The following SMOC2 variants were observed in gnomAD, a reference collection of about 807,000 sequenced individuals.
The protein encoded by SMOC2 is SPARC related modular calcium binding 2.
SMOC2 carries 39 observed loss-of-function variants against 61.4 expected under a neutral mutation model. The observed-to-expected ratio is 0.64, with a 90% confidence interval of 0.49 to 0.83. SMOC2 has a LOEUF of 0.83. Ranked by LOEUF, SMOC2 falls within the 40% of genes least tolerant of loss-of-function variation. SMOC2 has a pLI of 0.00. For synonymous variants in SMOC2, 247 were observed against 239.9 expected, an observed-to-expected ratio of 1.03 and a Z score of -0.27; for missense variants, 556 against 592.9, an observed-to-expected ratio of 0.94 and a Z score of 0.65.
chr6:168,600,449 T>G (rs1228498877), intron 8 of SMOC2, among the ~76,000 whole-genome samples: 14 of 142,334 alleles, frequency 9.8e-5, no homozygotes, highest in South Asian at 2.2e-4. Context: ...AAAAAAACAG[T>G]AGTTTCAACT....
intron 1 of SMOC2, among the ~76,000 whole-genome samples, chr6:168,479,553 G>T (rs955384522): frequency 3.3e-5 from 5 of 152,312 alleles, no homozygotes; most frequent in Middle Eastern, 3.4e-3. Flanking sequence ...TAAAGGCTTG[G>T]ACAGTAAAGT....
chr6:168,463,577 G>A (rs1165231038), intron 1 of SMOC2, among the ~76,000 whole-genome samples: 4 of 152,186 alleles, frequency 2.6e-5, no homozygotes, highest in African/African-American at 9.7e-5. Flanking sequence ...AGCCAGGGGA[G>A]TGTGAGAAAA....
At chr6:168,615,536 C>G (rs1333951485) in intron 9 of SMOC2, among the ~76,000 whole-genome samples, 1 of 103,586 alleles carries the variant, frequency 9.7e-6, no homozygotes, top group African/African-American at 3.4e-5. Flanking sequence ...TTCATACTTA[C>G]AGCCGGCACA....
At chr6:168,614,204 A>G (rs9766360) in intron 9 of SMOC2, among the ~76,000 whole-genome samples, 3,789 of 38,942 alleles carry the variant, frequency 0.097, 393 homozygotes, top group Admixed American at 0.24. Context: ...GCCAGCACAG[A>G]GCCTCTTCAC....
intron 7 of SMOC2, among the ~76,000 whole-genome samples, chr6:168,574,091 A>G (rs1324812827): frequency 2.0e-5 from 3 of 152,146 alleles, no homozygotes; most frequent in Non-Finnish European, 4.4e-5. Context: ...AAACAAGCGC[A>G]CTCAATATTT....
At position 168,546,915 on chromosome 6, in the gene SMOC2, T is replaced by C. The variant is rs1784017192; in HGVS notation, c.512-204T>C. On this transcript the variant is annotated intron_variant, in intron 5 of 12. Transcript: ENST00000356284. ...TTAGGTCAGTGTCTAGCCTCGAGCATTTTAAGTAGCGGCTCACTCAAGACT... is the reference window on the plus strand; with the variant it reads ...TTAGGTCAGTGTCTAGCCTCGAGCACTTTAAGTAGCGGCTCACTCAAGACT... Among the ~76,000 whole-genome samples the C allele has an allele frequency of 2.0e-5, 3 of 152,322 alleles. No individual in the cohort carries two copies. In the East Asian group the frequency reaches 5.8e-4, roughly 29 times the overall value.
intron 9 of SMOC2, among the ~76,000 whole-genome samples, chr6:168,636,301 G>A (rs557066052): frequency 1.3e-5 from 2 of 152,212 alleles, no homozygotes; most frequent in South Asian, 4.1e-4. Context: ...AGTGCACTAA[G>A]AACAACATAG....
At chr6:168,608,127 C>T (rs560753650) in intron 8 of SMOC2, 30 bp from the exon 9 acceptor site, 243 of 1,591,970 alleles carry the variant, frequency 1.5e-4, no homozygotes, top group Non-Finnish European at 2.0e-4. Flanking sequence ...TGTTTTCTCT[C>T]TCCTTCCCCC....
rs1374994011 is a variant in SMOC2 at position 168,666,567 on chromosome 6, G to C, written c.*129G>C. ...ACTTTAAATGTAAATTCACTTTGTAGAAATGAGCTATTTAAACAGACTGTT... is the reference window on the plus strand; with the variant it reads ...ACTTTAAATGTAAATTCACTTTGTACAAATGAGCTATTTAAACAGACTGTT... On this transcript the variant is annotated 3_prime_UTR_variant, in exon 13 of 13. Transcript: ENST00000356284. 6 of 1,034,828 alleles carry C rather than the reference G, an allele frequency of 5.8e-6. No individual in the cohort carries two copies. The highest frequency in any genetic ancestry group is 1.6e-5 in the African/African-American group (1 of 62,220). 64.1% of individuals were successfully genotyped at this position (1,034,828 alleles called of 1,614,324 possible).
At chr6:168,516,806 T>A (rs944617853) in intron 2 of SMOC2, among the ~76,000 whole-genome samples, 3 of 152,030 alleles carry the variant, frequency 2.0e-5, no homozygotes, top group Admixed American at 6.5e-5. Context: ...AACAAAAAAA[T>A]AGCCGGTAGT....
chr6:168,518,994 C>T (rs550200115), intron 2 of SMOC2, among the ~76,000 whole-genome samples: 25 of 142,740 alleles, frequency 1.8e-4, no homozygotes, highest in South Asian at 4.6e-4. Flanking sequence ...CGTGTGTATG[C>T]GTGCATGTGT....
chr6:168,502,237 G>C (rs991358399), intron 1 of SMOC2, among the ~76,000 whole-genome samples: 2 of 152,182 alleles, frequency 1.3e-5, no homozygotes, highest in African/African-American at 4.8e-5. Context: ...ACTTTCTCGT[G>C]CACTATCACA....
rs578094438 is a variant in SMOC2, at chr6:168,571,831, G to A, written c.637+22628G>A. On this transcript the variant is annotated intron_variant, in intron 7 of 12. Coordinates refer to ENST00000356284, the MANE Select transcript of SMOC2 (RefSeq NM_001166412.2). ...CCCGCATCCCTGGGTGCTGGGACCA[G>A]GGCTGCGTGCTCCCTGAACGCGATG... Among the ~76,000 whole-genome samples, 8 of 144,440 alleles carry A rather than the reference G, an allele frequency of 5.5e-5. 1 individual carries two copies. Among genetic ancestry groups the A allele is most frequent in the African/African-American group, 2.0e-4 (8 of 40,200 alleles). 94.8% of individuals were successfully genotyped at this position (144,440 alleles called of 152,430 possible).
intron 1 of SMOC2, among the ~76,000 whole-genome samples, chr6:168,464,785 T>C (rs914913917): frequency 5.9e-5 from 9 of 152,192 alleles, no homozygotes; most frequent in African/African-American, 2.2e-4. Flanking sequence ...TCTGCCGTCA[T>C]AGAACAATTA....
chr6:168,547,245 G>C lies in SMOC2; in HGVS notation c.562+76G>C, dbSNP rs535132909. ...ACGGTATGGAGCTGGGAAGTGGAGC[G>C]AGTCATCTTGTTAGAGCTCCGTTCA... On this transcript the variant is annotated intron_variant, in intron 6 of 12. Coordinates refer to ENST00000356284, the MANE Select transcript of SMOC2 (RefSeq NM_001166412.2). 53 of 1,313,158 alleles carry C rather than the reference G, an allele frequency of 4.0e-5. No individual in the cohort carries two copies. The African/African-American group carries it at 4.8e-4, about 12-fold the overall frequency. 81.3% of individuals were successfully genotyped at this position (1,313,158 alleles called of 1,614,324 possible). A position where few individuals can be genotyped will look rare whatever the true frequency, so the allele number is the denominator to read the frequency against.
chr6:168,527,726 G>A lies in SMOC2; in HGVS notation c.462G>A (p.Pro154=), dbSNP rs370679751. ...TGGCCCACAAGACGCCCCGGTGCCCGGGTAGGTCTGACGTGCCTTTCCAAG... is the reference window on the plus strand; with the variant it reads ...TGGCCCACAAGACGCCCCGGTGCCCAGGTAGGTCTGACGTGCCTTTCCAAG... ...TAVAHKTPRC[P]GSVNEKLPQR... The change falls in exon 4 of 13, where the codon CCG becomes CCA. Residue 154 remains proline, a splice_region_variant and synonymous_variant. Transcript: ENST00000356284. 1.2e-5 allele frequency: 18 copies of A among 1,549,320 alleles called. No homozygotes were observed. The highest frequency in any genetic ancestry group is 5.9e-5 in the Admixed American group (3 of 51,020).
rs541735153 is a variant in SMOC2, at chr6:168,553,008, G to A, written c.637+3805G>A. 4.6e-5 allele frequency among the ~76,000 whole-genome samples: 7 copies of A among 152,130 alleles called. No homozygotes were observed. The highest frequency in any genetic ancestry group is 2.0e-4 in the Admixed American group (3 of 15,286). On this transcript the variant is annotated intron_variant, in intron 7 of 12. Coordinates refer to ENST00000356284, the MANE Select transcript of SMOC2 (RefSeq NM_001166412.2). The surrounding 1 kb of genome is among the most constrained non-coding windows in gnomAD (Gnocchi z 4.2). The stretch of plus-strand genomic sequence containing the variant: ...AGATTTGTACCAGCATATGTTCCAC[G>A]GGCCCTACTGTAGCATCATTACTCT...
At chr6:168,634,623 T>A (rs146717496) in intron 9 of SMOC2, among the ~76,000 whole-genome samples, 1 of 152,348 alleles carries the variant, frequency 6.6e-6, no homozygotes, top group East Asian at 1.9e-4. Flanking sequence ...TTTTGCATAG[T>A]GCAGCTGGTT....
intron 7 of SMOC2, among the ~76,000 whole-genome samples, chr6:168,586,902 T>C (rs1056004952): frequency 6.6e-6 from 1 of 152,258 alleles, no homozygotes; most frequent in Non-Finnish European, 1.5e-5. Context: ...ATTACTAATC[T>C]AAAAGTGAAA....
Sources: allele counts gnomAD v4.1 joint callset (sites outside exome capture counted in the v4.1 genomes callset), GRCh38; gene constraint gnomAD v4.1.1; non-coding constraint Gnocchi (gnomAD v3.1); transcripts MANE v1.5; gene names NCBI Gene and HGNC (gene_info 2026-07-23, HGNC 2026-07-21).